GSE1: variants seen among roughly 807,000 people sequenced by gnomAD.
GSE1 encodes Gse1 coiled-coil protein, also known as genetic suppressor element 1.
A neutral mutation model predicts 112.6 loss-of-function variants in GSE1; 32 were observed. The ratio of observed to expected loss-of-function variants is 0.28; its 90% CI spans 0.21 to 0.38. GSE1 has a LOEUF of 0.38. GSE1 is among the 10% of genes least tolerant of loss of function. The probability of loss-of-function intolerance (pLI) is 1.00; values close to 1 mark genes in which losing one functional copy is unlikely to be tolerated. For missense variants in GSE1, 2,348 were observed against 1,699.2 expected (o/e 1.38, Z -6.71); for synonymous variants, 1,115 against 735.6 (o/e 1.52, Z -8.35).
At chr16:85,539,640 G>T (rs2044452488) in intron 2 of GSE1, among the ~76,000 whole-genome samples, 1 of 152,182 alleles carries the variant, frequency 6.6e-6, no homozygotes, top group Admixed American at 6.5e-5. Flanking sequence ...CCGTTCTGTG[G>T]CTGGGTTTGT....
intron 2 of GSE1, among the ~76,000 whole-genome samples, chr16:85,366,058 C>T (rs1463549263): frequency 1.3e-5 from 2 of 152,258 alleles, no homozygotes; most frequent in Non-Finnish European, 2.9e-5. Context: ...CCTGGGACGG[C>T]TTTTGTCTCT....
intron 2 of GSE1, among the ~76,000 whole-genome samples, chr16:85,371,789 C>G (rs997725742): frequency 3.9e-5 from 6 of 152,240 alleles, no homozygotes; most frequent in Non-Finnish European, 8.8e-5. Context: ...GAATCCCACC[C>G]TCCTTTCCCG....
At chr16:85,489,108 G>A (rs1470419120) in intron 2 of GSE1, among the ~76,000 whole-genome samples, 1 of 152,122 alleles carries the variant, frequency 6.6e-6, no homozygotes, top group Non-Finnish European at 1.5e-5. Context: ...TGCTACCAAT[G>A]AGCTACCCAC....
chr16:85,353,127 A>G (rs2046882961), intron 1 of GSE1, among the ~76,000 whole-genome samples: 1 of 152,236 alleles, frequency 6.6e-6, no homozygotes, highest in Non-Finnish European at 1.5e-5. Context: ...GGTGTTGGCT[A>G]GGACGCAGTC....
chr16:85,355,038 G>T (rs539271753), intron 1 of GSE1, among the ~76,000 whole-genome samples: 1 of 152,340 alleles, frequency 6.6e-6, no homozygotes, highest in African/African-American at 2.4e-5. Flanking sequence ...ATGCCTGTGG[G>T]ATTTGTGGGG....
intron 2 of GSE1, among the ~76,000 whole-genome samples, chr16:85,540,814 G>A (rs2044491452): frequency 6.6e-6 from 1 of 152,182 alleles, no homozygotes; most frequent in Non-Finnish European, 1.5e-5. Context: ...GGCTGAGGCA[G>A]GAGGATCCCT....
chr16:85,483,022 C>T (rs996177842), intron 2 of GSE1, among the ~76,000 whole-genome samples: 8 of 151,200 alleles, frequency 5.3e-5, no homozygotes, highest in South Asian at 2.1e-4. Context: ...TGTAGCAGTG[C>T]GACGCTACAT....
In GSE1 at chr16:85,248,374, A is replaced by C. The variant is rs1236060228; in HGVS notation, c.2283+76567A>C. ...TCTGTCTTTCTCTCTCCTTTTGTCT[A>C]TCTCTCCCCTTTTTTCCCTCTTCTT... is the stretch of plus-strand genomic sequence containing the variant. On this transcript the variant is annotated intron_variant, in intron 1 of 2. Coordinates refer to the GSE1 transcript ENST00000637419. 6.8e-5 allele frequency among the ~76,000 whole-genome samples: 10 copies of C among 147,890 alleles called. No individual in the cohort carries two copies. The South Asian group carries it at 1.1e-3, about 16-fold the overall frequency.
chr16:85,296,035 A>G (rs1182549266), intron 1 of GSE1, among the ~76,000 whole-genome samples: 3 of 152,124 alleles, frequency 2.0e-5, no homozygotes, highest in Admixed American at 2.0e-4. Context: ...CTCTCCTCGG[A>G]GCCAGTTTGG....
At chr16:85,333,289 C>T (rs2046414523) in intron 1 of GSE1, among the ~76,000 whole-genome samples, 1 of 152,162 alleles carries the variant, frequency 6.6e-6, no homozygotes, top group African/African-American at 2.4e-5. Context: ...GCGGGCCCAC[C>T]CAGGTCATCT....
chr16:85,234,849 C>G (rs1449640253), intron 1 of GSE1, among the ~76,000 whole-genome samples: 1 of 152,116 alleles, frequency 6.6e-6, no homozygotes, highest in African/African-American at 2.4e-5. Flanking sequence ...TACGGCCCAG[C>G]TGGGGGATTA....
chr16:85,417,273 A>G (rs1174419773), intron 2 of GSE1, among the ~76,000 whole-genome samples: 1 of 151,928 alleles, frequency 6.6e-6, no homozygotes, highest in African/African-American at 2.4e-5. Flanking sequence ...TGCCAGTAGC[A>G]CTCACTCCCC....
chr16:85,383,497 GCACACA>G (rs11473067), intron 2 of GSE1, among the ~76,000 whole-genome samples: 121 of 147,958 alleles, frequency 8.2e-4, no homozygotes, highest in Non-Finnish European at 1.4e-3. Flanking sequence ...AGAGCTCCCA[GCACACA>G]CACACACACA....
intron 1 of GSE1, among the ~76,000 whole-genome samples, chr16:85,266,125 G>A (rs1908217304): frequency 6.6e-6 from 1 of 152,104 alleles, no homozygotes; most frequent in Non-Finnish European, 1.5e-5. Flanking sequence ...CCAGGGAGGT[G>A]GGGGAGCGCC....
intron 1 of GSE1, among the ~76,000 whole-genome samples, chr16:85,338,464 C>A (rs957784074): frequency 6.6e-6 from 1 of 152,158 alleles, no homozygotes; most frequent in East Asian, 1.9e-4. Context: ...GCCTCAGTCT[C>A]CCCCTCCATC....
chr16:85,182,058 C>G (rs893158467), intron 1 of GSE1, among the ~76,000 whole-genome samples: 3 of 152,206 alleles, frequency 2.0e-5, no homozygotes, highest in Admixed American at 2.0e-4. Flanking sequence ...TGGCTTCGTG[C>G]TCTGCTTCCA....
chr16:85,640,663 C>T (rs1173423927), intron 2 of GSE1, among the ~76,000 whole-genome samples: 2 of 152,270 alleles, frequency 1.3e-5, no homozygotes, highest in Non-Finnish European at 2.9e-5. Context: ...AATGCTTCCA[C>T]CGTGGAGCCG....
intron 2 of GSE1, among the ~76,000 whole-genome samples, chr16:85,400,128 T>G (rs1169003777): frequency 6.6e-6 from 1 of 152,204 alleles, no homozygotes; most frequent in East Asian, 1.9e-4. Context: ...TGCAAATCAT[T>G]AATGCTTATT....
At chr16:85,534,153 G>A (rs1210296780) in intron 2 of GSE1, among the ~76,000 whole-genome samples, 1 of 129,448 alleles carries the variant, frequency 7.7e-6, no homozygotes, top group African/African-American at 2.9e-5. Context: ...ATGGAGTTTT[G>A]CTCTGTCGCC....
Sources: gnomAD v4.1 joint callset for allele counts (sites outside exome capture counted in the v4.1 genomes callset) on GRCh38, gnomAD v4.1.1 for gene constraint, MANE v1.5 for transcripts, NCBI Gene and HGNC (gene_info 2026-07-23, HGNC 2026-07-21) for gene names.